PICALM: variants seen among roughly 807,000 people sequenced by gnomAD.
The protein encoded by PICALM is phosphatidylinositol binding clathrin assembly protein.
A neutral mutation model predicts 80.5 loss-of-function variants in PICALM; 40 were observed. The ratio of observed to expected loss-of-function variants is 0.50; its 90% CI spans 0.39 to 0.65. PICALM has a LOEUF of 0.65. Ranked by LOEUF, PICALM falls within the 30% of genes least tolerant of loss-of-function variation. PICALM has a pLI of 0.00. For synonymous variants in PICALM, 288 were observed against 260.3 expected, an observed-to-expected ratio of 1.11 and a Z score of -1.02; for missense variants, 676 against 778.9, an observed-to-expected ratio of 0.87 and a Z score of 1.57.
At chr11:85,999,371 G>A (rs1178530389) in intron 11 of PICALM, among the ~76,000 whole-genome samples, 2 of 152,164 alleles carry the variant, frequency 1.3e-5, no homozygotes, top group Non-Finnish European at 2.9e-5. Context: ...TTTTTAGTAT[G>A]TGACATAAAA....
intron 4 of PICALM, among the ~76,000 whole-genome samples, chr11:86,021,689 A>G (rs2095566475): frequency 6.6e-6 from 1 of 152,186 alleles, no homozygotes; most frequent in Admixed American, 6.5e-5. Context: ...TTCTAGGTAT[A>G]CACCGAAGAG....
intron 1 of PICALM, among the ~76,000 whole-genome samples, chr11:86,039,204 G>A (rs753110872): frequency 6.6e-6 from 1 of 151,708 alleles, no homozygotes; most frequent in Non-Finnish European, 1.5e-5. Flanking sequence ...CAACATGAAT[G>A]GACTAAGATT....
intron 17 of PICALM, 61 bp from the exon 18 acceptor site, chr11:85,976,743 A>T: frequency 1.0e-6 from 1 of 953,310 alleles, no homozygotes; most frequent in Non-Finnish European, 1.7e-6. Flanking sequence ...AACTGAGTTC[A>T]AGGAATTAGT....
At position 86,068,913 on chromosome 11, in the gene PICALM, G is replaced by A; in HGVS notation, c.-133C>T. 4 of 1,243,752 alleles carry A rather than the reference G, an allele frequency of 3.2e-6. No homozygotes were observed. The highest frequency in any genetic ancestry group is 1.6e-5 in the South Asian group (1 of 63,742). 77.0% of individuals were successfully genotyped at this position (1,243,752 alleles called of 1,614,324 possible). On this transcript the variant is annotated 5_prime_UTR_variant, in exon 1 of 20. Transcript: ENST00000393346. ...CCTTCCCCGCCTGCCGGCCTGGGGC[G>A]CGGTTCGGGGCCGCGCGCTGCCACC...
chr11:85,964,586 T>A (rs1031960989), intron 19 of PICALM, among the ~76,000 whole-genome samples: 1 of 152,220 alleles, frequency 6.6e-6, no homozygotes, highest in Admixed American at 6.5e-5. Flanking sequence ...AGTTCCATCT[T>A]CCCTACTACC....
At chr11:86,053,864 A>C (rs1253093862) in intron 1 of PICALM, among the ~76,000 whole-genome samples, 1 of 152,164 alleles carries the variant, frequency 6.6e-6, no homozygotes, top group Non-Finnish European at 1.5e-5. Context: ...CAAAGCACCC[A>C]TCCAAGACTA....
chr11:86,039,660 TA>T (rs2095913565), intron 1 of PICALM, among the ~76,000 whole-genome samples: 2 of 152,100 alleles, frequency 1.3e-5, no homozygotes, highest in Non-Finnish European at 2.9e-5. Flanking sequence ...TATGAAGAAA[TA>T]AAAAATTTAA....
At chr11:86,033,160 A>G (rs908461052) in intron 1 of PICALM, among the ~76,000 whole-genome samples, 9 of 152,216 alleles carry the variant, frequency 5.9e-5, no homozygotes, top group East Asian at 3.8e-4. Context: ...ATAGCACTTT[A>G]TAACTGGCCT....
rs1226179554 is a variant in PICALM at position 85,958,342 on chromosome 11, C to T, written c.*704G>A. 2 of 213,504 alleles carry T rather than the reference C, an allele frequency of 9.4e-6. No homozygotes were observed. The highest frequency in any genetic ancestry group is 1.9e-5 in the Non-Finnish European group (2 of 105,456). 13.2% of individuals were successfully genotyped at this position (213,504 alleles called of 1,614,324 possible). On this transcript the variant is annotated 3_prime_UTR_variant, in exon 20 of 20. Transcript: ENST00000393346. ...AAGAGATTCAGACCTATGGACTTGC[C>T]TTAAAATATTTAGTGCTCTGTATGT...
At chr11:85,993,520 C>T (rs921672787) in intron 12 of PICALM, among the ~76,000 whole-genome samples, 3 of 152,070 alleles carry the variant, frequency 2.0e-5, no homozygotes, top group South Asian at 2.1e-4. Context: ...CTCACTGCAA[C>T]CTCTGCTTCT....
At position 86,011,129 on chromosome 11, in the gene PICALM, A is replaced by G. The variant is rs776457979; in HGVS notation, c.666T>C (p.Tyr222=). The change falls in exon 7 of 20, where the codon TAT becomes TAC. Residue 222 remains tyrosine, a synonymous_variant. Transcript: ENST00000393346. ...NEGIINLLEK[Y]FDMKKNQCKE... is the part of the protein sequence containing the mutation. ...TGCATTGGTTCTTTTTCATATCAAA[A>G]TATTTTTCTGACAAAATAAATGTAA... 6.1e-6 allele frequency: 8 copies of G among 1,320,170 alleles called. No homozygotes were observed. The Admixed American group carries it at 1.0e-4, about 17-fold the overall frequency. 81.8% of individuals were successfully genotyped at this position (1,320,170 alleles called of 1,614,324 possible).
rs986526264 is a variant in PICALM at position 86,018,201 on chromosome 11, T to G, written c.453-3238A>C. Among the ~76,000 whole-genome samples, 9 of 152,188 alleles carry G rather than the reference T, an allele frequency of 5.9e-5. 1 individual carries two copies. The highest frequency in any genetic ancestry group is 5.9e-4 in the Admixed American group (9 of 15,290). ...CAATGGAAAAGAGTGAAAAACCCAA[T>G]AGAGAAGCTGTCAATGGACATCAAA... is the stretch of plus-strand genomic sequence containing the variant. On this transcript the variant is annotated intron_variant, in intron 4 of 19. Coordinates refer to ENST00000393346, the MANE Select transcript of PICALM (RefSeq NM_007166.4).
At chr11:85,991,516 C>T (rs1183028350) in intron 12 of PICALM, among the ~76,000 whole-genome samples, 1 of 151,066 alleles carries the variant, frequency 6.6e-6, no homozygotes. Flanking sequence ...AAGCATTCTA[C>T]AAGCTCAAAT....
chr11:86,062,315 G>A (rs568941079), intron 1 of PICALM, among the ~76,000 whole-genome samples: 2 of 152,244 alleles, frequency 1.3e-5, no homozygotes, highest in East Asian at 1.9e-4. Flanking sequence ...TCAGGAGCTC[G>A]AGACCAGCCT....
chr11:86,033,276 G>A (rs2095790613), intron 1 of PICALM, among the ~76,000 whole-genome samples: 1 of 151,890 alleles, frequency 6.6e-6, no homozygotes, highest in African/African-American at 2.4e-5. Flanking sequence ...CATGGTGTGT[G>A]TGTATATATA....
In PICALM at chr11:86,056,141, A is replaced by AAAAAAAAG. The variant is rs1555149056; in HGVS notation, c.130+12509_130+12510insCTTTTTTT. Among the ~76,000 whole-genome samples the AAAAAAAAG allele has an allele frequency of 2.0e-5, 3 of 147,694 alleles. 1 individual carries two copies. The highest frequency in any genetic ancestry group is 4.5e-5 in the Non-Finnish European group (3 of 66,942). On this transcript the variant is annotated intron_variant, in intron 1 of 19. Transcript: ENST00000393346. ...CAGAACAAGACTCTGTCTTTAAAAA[A>AAAAAAAAG]AAAAAAAAAGAAAAAACCCTTGAAA...
At chr11:85,979,716 A>C (rs2094384976) in intron 17 of PICALM, among the ~76,000 whole-genome samples, 1 of 152,206 alleles carries the variant, frequency 6.6e-6, no homozygotes, top group South Asian at 2.1e-4. Context: ...ACCCACGGAA[A>C]ACAGGGCAGT....
chr11:85,983,995 A>G (rs1350277635), intron 13 of PICALM, 22 bp from the exon 14 acceptor site: 1 of 1,094,360 alleles, frequency 9.1e-7, no homozygotes, highest in East Asian at 2.4e-5. Context: ...AAAATGGAAA[A>G]AAGCTCAATT....
In PICALM at chr11:86,065,455, A is replaced by T. The variant is rs112527289; in HGVS notation, c.130+3196T>A. Reference sequence around the variant, plus strand: ...AGACTCCGTCTCAAAAAAAAAAAAAATTTGTTTTTTCTATCCTGCAATAAT... The same window carrying T: ...AGACTCCGTCTCAAAAAAAAAAAAATTTTGTTTTTTCTATCCTGCAATAAT... On this transcript the variant is annotated intron_variant, in intron 1 of 19. Coordinates refer to ENST00000393346, the MANE Select transcript of PICALM (RefSeq NM_007166.4). 5.5e-4 allele frequency among the ~76,000 whole-genome samples: 83 copies of T among 151,786 alleles called. 2 individuals carry two copies. In the South Asian group the frequency reaches 0.014, roughly 26 times the overall value.
Sources: gnomAD v4.1 joint callset for allele counts (sites outside exome capture counted in the v4.1 genomes callset) on GRCh38, gnomAD v4.1.1 for gene constraint, MANE v1.5 for transcripts, NCBI Gene and HGNC (gene_info 2026-07-23, HGNC 2026-07-21) for gene names.